Variants in DYSF observed in about 807,000 individuals in gnomAD.
DYSF encodes the protein dysferlin.
In DYSF, 212 loss-of-function variants were observed where a neutral mutation model predicts 274.9. The observed-to-expected ratio is 0.77, with a 90% confidence interval of 0.69 to 0.86. The LOEUF (loss-of-function observed/expected upper bound fraction) is 0.86. DYSF is among the 40% of genes least tolerant of loss of function. The pLI is 0.00. For synonymous variants in DYSF, 1,091 were observed against 1,078.7 expected, an observed-to-expected ratio of 1.01 and a Z score of -0.22; for missense variants, 2,666 against 2,783.2, an observed-to-expected ratio of 0.96 and a Z score of 0.95.
chr2:71,584,737 C>A (rs903011163), intron 30 of DYSF, among the ~76,000 whole-genome samples: 5 of 152,094 alleles, frequency 3.3e-5, no homozygotes, highest in Non-Finnish European at 7.4e-5. Flanking sequence ...AGGGTAGATG[C>A]AGGGGAGAAG....
intron 3 of DYSF, among the ~76,000 whole-genome samples, chr2:71,482,893 G>A (rs1042231639): frequency 2.0e-5 from 3 of 152,106 alleles, no homozygotes; most frequent in African/African-American, 7.2e-5. Context: ...GCTGTTTTGT[G>A]ACCTGCTCAC....
At chr2:71,656,528 T>C (rs898355346) in intron 43 of DYSF, among the ~76,000 whole-genome samples, 3 of 152,166 alleles carry the variant, frequency 2.0e-5, no homozygotes, top group Non-Finnish European at 2.9e-5. Flanking sequence ...GTGGTGGTCA[T>C]GATGGTGATT....
intron 41 of DYSF, among the ~76,000 whole-genome samples, chr2:71,634,417 C>T (rs114432426): frequency 4.1e-4 from 62 of 152,268 alleles, no homozygotes; most frequent in African/African-American, 1.4e-3. Context: ...TGAGTTCAGA[C>T]ATGGAATAGC....
At chr2:71,566,353 CAAAAAAA>C (rs773800974) in intron 24 of DYSF, among the ~76,000 whole-genome samples, 5 of 49,800 alleles carry the variant, frequency 1.0e-4, no homozygotes, top group Non-Finnish European at 1.9e-4. Context: ...TGGTTTCAAG[CAAAAAAA>C]AAAAAAAAAA....
intron 42 of DYSF, 28 bp from the exon 43 acceptor site, chr2:71,656,134 C>G (rs760472121): frequency 6.2e-7 from 1 of 1,613,806 alleles, no homozygotes; most frequent in African/African-American, 1.3e-5. Flanking sequence ...TGTCTCTTGT[C>G]CCCTCCTCTA....
intron 42 of DYSF, among the ~76,000 whole-genome samples, chr2:71,645,880 G>A (rs1218549566): frequency 6.6e-6 from 1 of 152,194 alleles, no homozygotes. Context: ...GTGGGCACAG[G>A]CTGTTAGACA....
chr2:71,590,276 G>T lies in DYSF; in HGVS notation c.3562G>T (p.Asp1188Tyr). ...QARDLAAMDK[D>Y]SFSDPYAIVS... ...CCGGGACCTGGCTGCGATGGACAAG[G>T]ACTCTTTTTCTGGTAGGTGGGAGAG... Residue 1188 changes from aspartate (D) to tyrosine (Y), a missense_variant, in exon 32 of 56, where the codon GAC (aspartate) becomes TAC (tyrosine). By Grantham distance (160) the Asp-to-Tyr change is radical (BLOSUM62 -3). Coordinates refer to ENST00000410020, the MANE Select transcript of DYSF (RefSeq NM_001130987.2). The T allele has an allele frequency of 6.2e-7, 1 of 1,614,196 alleles. No homozygotes were observed. Among genetic ancestry groups the T allele is most frequent in the Non-Finnish European group, 8.5e-7 (1 of 1,180,046 alleles).
At chr2:71,527,854 TAAA>T (rs1006459314) in intron 13 of DYSF, among the ~76,000 whole-genome samples, 1 of 148,748 alleles carries the variant, frequency 6.7e-6, no homozygotes, top group Non-Finnish European at 1.5e-5. Flanking sequence ...TAAAAACTCT[TAAA>T]AAAAAAACAA....
intron 1 of DYSF, among the ~76,000 whole-genome samples, chr2:71,472,378 C>G (rs943451145): frequency 4.6e-5 from 7 of 152,364 alleles, no homozygotes; most frequent in African/African-American, 1.7e-4. Flanking sequence ...TGCTAACACA[C>G]AGCATTGTCC....
chr2:71,456,648 A>T (rs528665966), intron 1 of DYSF, among the ~76,000 whole-genome samples: 1 of 152,180 alleles, frequency 6.6e-6, no homozygotes, highest in Non-Finnish European at 1.5e-5. Context: ...GCATGTATAC[A>T]TTCATTGCAA....
chr2:71,483,379 C>T (rs1192389965), intron 3 of DYSF, among the ~76,000 whole-genome samples: 2 of 152,182 alleles, frequency 1.3e-5, no homozygotes, highest in Non-Finnish European at 2.9e-5. Flanking sequence ...AGGGAGCAGC[C>T]CTGGACAGTG....
At chr2:71,617,879 G>GGTGTGTGTGTGGTAGAGTT (rs756123529) in intron 40 of DYSF, among the ~76,000 whole-genome samples, 1 of 20,668 alleles carries the variant, frequency 4.8e-5, no homozygotes, top group Non-Finnish European at 1.0e-4. Context: ...GTAGAGGTGG[G>GGTGTGTGTGTGGTAGAGTT]GTGTGTGTGG....
chr2:71,664,790 G>A (rs1558770143), intron 46 of DYSF, among the ~76,000 whole-genome samples: 1 of 152,246 alleles, frequency 6.6e-6, no homozygotes, highest in Non-Finnish European at 1.5e-5. Flanking sequence ...GGAAACAGAT[G>A]AGAGGACATG....
At chr2:71,674,438 A>G (rs1553418490) in intron 52 of DYSF, 142 bp downstream of exon 52, 1 of 783,208 alleles carries the variant, frequency 1.3e-6, no homozygotes, top group Non-Finnish European at 2.2e-6. Context: ...GCTCAGGGTC[A>G]TGTGTCCCCA....
intron 11 of DYSF, 86 bp downstream of exon 11, chr2:71,520,294 T>C: frequency 3.5e-6 from 5 of 1,435,972 alleles, no homozygotes. Flanking sequence ...TCACTGTCCC[T>C]CCTGGGGGTT....
intron 14 of DYSF, among the ~76,000 whole-genome samples, chr2:71,531,079 C>CTT (rs147525013): frequency 6.7e-6 from 1 of 149,276 alleles, no homozygotes; most frequent in Admixed American, 6.7e-5. Context: ...TTTAAAACAA[C>CTT]TTTTTTTTTT....
intron 1 of DYSF, among the ~76,000 whole-genome samples, chr2:71,457,750 C>T (rs959473856): frequency 5.3e-5 from 8 of 152,218 alleles, no homozygotes; most frequent in Admixed American, 1.3e-4. Flanking sequence ...GCAGTGCTCT[C>T]GTTCCGGGCA....
Position 71,611,488 on chromosome 2 carries a change from C to T in DYSF, c.4083C>T (p.Asn1361=). 1 of 1,614,156 alleles carries T rather than the reference C, an allele frequency of 6.2e-7. No homozygotes were observed. The highest frequency in any genetic ancestry group is 2.2e-5 in the East Asian group (1 of 44,872). Residue 1361 remains asparagine (N), a synonymous_variant, in exon 38 of 56, where the codon AAC becomes AAT. Transcript: ENST00000410020. ...AIEILAWGLR[N]MKSYQLANIS... ...AGATCCTGGCATGGGGCCTGCGGAACATGAAGAGTTACCAGCTGGCCAACA... is the reference window on the plus strand; with the variant it reads ...AGATCCTGGCATGGGGCCTGCGGAATATGAAGAGTTACCAGCTGGCCAACA...
In DYSF at chr2:71,612,786, C is replaced by T. The variant is rs1471848144; in HGVS notation, c.4367C>T (p.Pro1456Leu). The change falls in exon 39 of 56, where the codon CCA (proline) becomes CTA (leucine). Residue 1456 changes from proline (P) to leucine (L), a missense_variant. Pro to Leu is a moderately conservative substitution (Grantham distance 98, BLOSUM62 -3). Coordinates refer to ENST00000410020, the MANE Select transcript of DYSF (RefSeq NM_001130987.2). The stretch of plus-strand genomic sequence containing the variant: ...TGTGACCCCTACTCGGCGGAGAGTC[C>T]ATCCCCACAGGGTGGCCCAGGTAGG... ...FLCDPYSAES[P>L]SPQGGPDDVS... 6.2e-7 allele frequency: 1 copy of T among 1,613,620 alleles called. No homozygotes were observed. Among genetic ancestry groups the T allele is most frequent in the African/African-American group, 1.3e-5 (1 of 75,046 alleles).
Sources: allele counts gnomAD v4.1 joint callset (sites outside exome capture counted in the v4.1 genomes callset), GRCh38; gene constraint gnomAD v4.1.1; transcripts MANE v1.5; gene names NCBI Gene and HGNC (gene_info 2026-07-23, HGNC 2026-07-21).